The following TVP23C variants were observed in gnomAD, a reference collection of about 807,000 sequenced individuals.
TVP23C encodes the protein Golgi apparatus membrane protein TVP23 homolog C.
Under a neutral mutation model 28.7 loss-of-function variants are expected in TVP23C, and 19 were observed. The observed-to-expected ratio is 0.66, with a 90% CI of 0.46 to 0.97. TVP23C has a LOEUF of 0.97. Ranked by LOEUF, TVP23C falls within the 50% of genes least tolerant of loss-of-function variation. The pLI, the probability that TVP23C is intolerant of heterozygous loss-of-function variation, is 0.00. For synonymous variants in TVP23C, 68 were observed against 81.7 expected, an observed-to-expected ratio of 0.83 and a Z score of 0.90; for missense variants, 186 against 241.3, an observed-to-expected ratio of 0.77 and a Z score of 1.52.
At chr17:15,534,611 ACC>A (rs34726957), downstream of TVP23C, among the ~76,000 whole-genome samples, 1,523 of 115,874 alleles carry the variant, frequency 0.013, 13 homozygotes, top group Non-Finnish European at 0.015. Flanking sequence ...ACACACACAC[ACC>A]CTTACCTATT....
chr17:15,512,607 A>G (rs989756811), intron 5 of TVP23C, among the ~76,000 whole-genome samples: 1 of 152,176 alleles, frequency 6.6e-6, no homozygotes, highest in Non-Finnish European at 1.5e-5. Context: ...TCCCCAAACT[A>G]CTAGAAGCCA....
intron 5 of TVP23C, among the ~76,000 whole-genome samples, chr17:15,511,842 A>G (rs1183256966): frequency 6.6e-6 from 1 of 152,170 alleles, no homozygotes; most frequent in Non-Finnish European, 1.5e-5. Context: ...ACTATTTTTG[A>G]TATCTAATAT....
intron 3 of TVP23C, among the ~76,000 whole-genome samples, chr17:15,548,946 T>C (rs977449193): frequency 2.2e-4 from 33 of 152,244 alleles, no homozygotes; most frequent in Admixed American, 2.2e-3. Context: ...CCTCACACAG[T>C]ATCTTACTGT....
chr17:15,528,050 G>A (rs1236993113), intron 5 of TVP23C, among the ~76,000 whole-genome samples: 1 of 152,030 alleles, frequency 6.6e-6, no homozygotes, highest in East Asian at 1.9e-4. Context: ...TCCTTTCAAA[G>A]AACCAACTTC....
Position 15,538,087 on chromosome 17 carries a change from G to C in TVP23C, c.*2325C>G. On this transcript the variant is annotated 3_prime_UTR_variant, in exon 6 of 6. Coordinates refer to ENST00000518321, the MANE Select transcript of TVP23C (RefSeq NM_001135036.2). ...AAAGGTTGAGTCAAGAATCTCTTCA[G>C]TTGTTCCCCAATGTAACAAAGCACA... 1 of 1,612,320 alleles carries C rather than the reference G, an allele frequency of 6.2e-7. No individual in the cohort carries two copies.
chr17:15,531,896 C>CA (rs1194196079), intron 5 of TVP23C, among the ~76,000 whole-genome samples: 3 of 152,324 alleles, frequency 2.0e-5, no homozygotes, highest in African/African-American at 7.2e-5. Context: ...ATTTGTCCCA[C>CA]ACCCATCTTT....
intron 5 of TVP23C, among the ~76,000 whole-genome samples, chr17:15,542,324 G>A (rs1264961758): frequency 6.6e-6 from 1 of 152,218 alleles, no homozygotes; most frequent in Non-Finnish European, 1.5e-5. Context: ...GTGGGAAGAA[G>A]GCAGGAGACG....
chr17:15,562,693 T>C (rs2150866454), intron 1 of TVP23C: 2 of 152,358 alleles, frequency 1.3e-5, no homozygotes, highest in East Asian at 3.9e-4. Flanking sequence ...TTTGCAATTA[T>C]CTGAAAATAT....
chr17:15,560,816 AG>A lies in TVP23C; in HGVS notation c.12+2620del, dbSNP rs1984347943. 1.3e-5 allele frequency among the ~76,000 whole-genome samples: 2 copies of A among 149,856 alleles called. 1 individual carries two copies. The highest frequency in any genetic ancestry group is 1.3e-4 in the Admixed American group (2 of 14,886). ...TGATCCACCCGCCTCGGCCTCCCAA[AG>A]TGCTGGGATTACAGGTGTGAGCCAC... On this transcript the variant is annotated intron_variant, in intron 1 of 5. Transcript: ENST00000518321.
intron 5 of TVP23C, among the ~76,000 whole-genome samples, chr17:15,514,893 G>A (rs371313705): frequency 8.5e-5 from 13 of 152,136 alleles, no homozygotes; most frequent in African/African-American, 2.7e-4. Flanking sequence ...GAGACAACAG[G>A]GAAGTGCACA....
Position 15,538,842 on chromosome 17 carries a change from G to T in TVP23C, c.*1570C>A. The T allele has an allele frequency of 1.1e-5, 11 of 985,734 alleles. No individual in the cohort carries two copies. Among genetic ancestry groups the T allele is most frequent in the Non-Finnish European group, 1.3e-5 (11 of 829,922 alleles). The allele number at this position is 985,734 out of a possible 1,614,324, so 61.1% of individuals were successfully genotyped here. ...AGCACATACATGAAAGTTACCCTAA[G>T]GTGGACCACAGTAAAGGTATATTGG... On this transcript the variant is annotated 3_prime_UTR_variant, in exon 6 of 6. Transcript: ENST00000518321.
chr17:15,536,445 A>C (rs1223056303), downstream of TVP23C, among the ~76,000 whole-genome samples: 1 of 152,204 alleles, frequency 6.6e-6, no homozygotes, highest in Non-Finnish European at 1.5e-5. Context: ...CCACACCAAG[A>C]TACAGCAATA....
Position 15,537,421 on chromosome 17 carries a change from T to C in TVP23C, c.*2991A>G, listed in dbSNP as rs1198699998. 1 of 985,346 alleles carries C rather than the reference T, an allele frequency of 1.0e-6. No individual in the cohort carries two copies. The highest frequency in any genetic ancestry group is 1.7e-5 in the African/African-American group (1 of 57,352). 61.0% of individuals were successfully genotyped at this position (985,346 alleles called of 1,614,324 possible). ...TCAAGGTCCACTGAAGAACTTTCAA[T>C]CTAGCTATCCTTTCTGTAAAATAAA... On this transcript the variant is annotated 3_prime_UTR_variant, in exon 6 of 6. Transcript: ENST00000518321.
At position 15,539,532 on chromosome 17, in the gene TVP23C, G is replaced by A. The variant is rs1678846919; in HGVS notation, c.*880C>T. On this transcript the variant is annotated 3_prime_UTR_variant, in exon 6 of 6. Coordinates refer to ENST00000518321, the MANE Select transcript of TVP23C (RefSeq NM_001135036.2). ...GCAGGAGAATGGCGTGAACCCGGGA[G>A]GCGGAGCTTGCAGTAAGCCGAGATC... 4.5e-6 allele frequency: 3 copies of A among 662,372 alleles called. No individual in the cohort carries two copies. The highest frequency in any genetic ancestry group is 5.6e-6 in the Non-Finnish European group (3 of 535,798). The allele number at this position is 662,372 out of a possible 1,614,324, so 41.0% of individuals were successfully genotyped here. A position where few individuals can be genotyped will look rare whatever the true frequency, so the allele number is the denominator to read the frequency against.
intron 5 of TVP23C, among the ~76,000 whole-genome samples, chr17:15,531,762 GTTTCTGT>G (rs1441995446): frequency 6.6e-6 from 1 of 152,058 alleles, no homozygotes; most frequent in Admixed American, 6.6e-5. Flanking sequence ...CTCAGGGATG[GTTTCTGT>G]TTTCTAAGTT....
At chr17:15,529,877 C>T (rs1383301484) in intron 5 of TVP23C, among the ~76,000 whole-genome samples, 1 of 152,110 alleles carries the variant, frequency 6.6e-6, no homozygotes, top group Non-Finnish European at 1.5e-5. Context: ...CAGCTCACTG[C>T]AACCTCCGCC....
chr17:15,548,532 A>G (rs1304553342), intron 3 of TVP23C, among the ~76,000 whole-genome samples: 1 of 152,190 alleles, frequency 6.6e-6, no homozygotes, highest in Admixed American at 6.5e-5. Flanking sequence ...ATGAATGTAG[A>G]CAACAAACTA....
chr17:15,523,775 G>A (rs1360523503), intron 5 of TVP23C, among the ~76,000 whole-genome samples: 17 of 151,830 alleles, frequency 1.1e-4, no homozygotes, highest in Non-Finnish European at 1.6e-4. Flanking sequence ...CACCATGCCC[G>A]GCTAATTTTT....
intron 1 of TVP23C, among the ~76,000 whole-genome samples, chr17:15,556,680 T>G (rs1228186465): frequency 6.6e-6 from 1 of 151,998 alleles, no homozygotes; most frequent in Non-Finnish European, 1.5e-5. Context: ...CTAAGAGTGG[T>G]TCACACCTCA....
Sources: allele counts gnomAD v4.1 joint callset (sites outside exome capture counted in the v4.1 genomes callset), GRCh38; gene constraint gnomAD v4.1.1; transcripts MANE v1.5; gene names NCBI Gene and HGNC (gene_info 2026-07-23, HGNC 2026-07-21).